Variants in SYT1 observed in about 807,000 individuals in gnomAD.
SYT1 encodes the protein synaptotagmin 1.
Under a neutral mutation model 44.8 loss-of-function variants are expected in SYT1, and 8 were observed. The observed-to-expected ratio is 0.18, with a 90% CI of 0.10 to 0.32. The LOEUF (loss-of-function observed/expected upper bound fraction) is 0.32. Among genes scored for constraint, SYT1 ranks in the 10% least tolerant of loss-of-function variants. The pLI, the probability that SYT1 is intolerant of heterozygous loss-of-function variation, is 1.00. For missense variants in SYT1, 286 were observed against 509.3 expected (o/e 0.56, Z 4.22); for synonymous variants, 154 against 188.8 (o/e 0.82, Z 1.51).
chr12:78,905,027 C>T (rs890343718), intron 1 of SYT1, among the ~76,000 whole-genome samples: 35 of 152,116 alleles, frequency 2.3e-4, no homozygotes, highest in African/African-American at 8.4e-4. Context: ...CCTAAGATAT[C>T]TCATAAAACT....
chr12:79,298,657 C>T (rs755907910), intron 7 of SYT1, among the ~76,000 whole-genome samples: 5 of 152,160 alleles, frequency 3.3e-5, no homozygotes, highest in Non-Finnish European at 5.9e-5. Flanking sequence ...CATCCCAACC[C>T]ATAGCATCTG....
chr12:78,925,240 T>C (rs926763967), intron 1 of SYT1, among the ~76,000 whole-genome samples: 1 of 151,904 alleles, frequency 6.6e-6, no homozygotes, highest in Non-Finnish European at 1.5e-5. Context: ...TTAGTTACCA[T>C]TGGCCACAAT....
chr12:79,111,422 A>G (rs1019130372), intron 3 of SYT1, among the ~76,000 whole-genome samples: 12 of 152,036 alleles, frequency 7.9e-5, no homozygotes, highest in Admixed American at 5.2e-4. Flanking sequence ...CTTCTAGACT[A>G]TCAGAACCTT....
intron 8 of SYT1, among the ~76,000 whole-genome samples, chr12:79,320,606 G>GCAGCACCT (rs771132360): frequency 6.6e-6 from 1 of 150,578 alleles, no homozygotes; most frequent in Non-Finnish European, 1.5e-5. Context: ...TCCTCTATCA[G>GCAGCACCT]CAGCACCTCT....
chr12:79,112,285 C>T (rs1879056477), intron 3 of SYT1, among the ~76,000 whole-genome samples: 1 of 152,010 alleles, frequency 6.6e-6, no homozygotes, highest in South Asian at 2.1e-4. Flanking sequence ...TAAAGGTAGT[C>T]ATTCTGAGAT....
chr12:79,274,408 G>A (rs1422533640), intron 4 of SYT1, among the ~76,000 whole-genome samples: 4 of 152,186 alleles, frequency 2.6e-5, no homozygotes, highest in Non-Finnish European at 5.9e-5. Context: ...GGGCATGAGA[G>A]CTGAGTGGGT....
intron 9 of SYT1, among the ~76,000 whole-genome samples, chr12:79,408,951 T>C (rs1868326140): frequency 6.6e-6 from 1 of 152,090 alleles, no homozygotes; most frequent in African/African-American, 2.4e-5. Context: ...TCCTCATTTC[T>C]TACCTCTGCC....
At chr12:78,919,304 C>T (rs1214403492) in intron 1 of SYT1, among the ~76,000 whole-genome samples, 2 of 151,954 alleles carry the variant, frequency 1.3e-5, no homozygotes, top group Non-Finnish European at 2.9e-5. Flanking sequence ...TAAAGAACTC[C>T]TAGAATCTGC....
chr12:79,234,003 C>T (rs111726487), intron 4 of SYT1, among the ~76,000 whole-genome samples: 6 of 152,248 alleles, frequency 3.9e-5, no homozygotes, highest in African/African-American at 1.4e-4. Context: ...GTACAAGGCA[C>T]CCCACACAAT....
At chr12:79,130,486 G>T (rs1422174490) in intron 3 of SYT1, among the ~76,000 whole-genome samples, 1 of 152,208 alleles carries the variant, frequency 6.6e-6, no homozygotes, top group Non-Finnish European at 1.5e-5. Flanking sequence ...CACAGGAATT[G>T]TCTGCCTTGA....
intron 1 of SYT1, among the ~76,000 whole-genome samples, chr12:78,930,263 T>C (rs11111922): frequency 0.095 from 14,399 of 152,084 alleles, 1,029 homozygotes; most frequent in East Asian, 0.31. Context: ...AAACATCACA[T>C]TGTACCCTAT....
intron 2 of SYT1, chr12:79,045,511 T>G (rs962428035): frequency 3.4e-4 from 53 of 156,982 alleles, no homozygotes; most frequent in Admixed American, 2.2e-3. Context: ...ACTGACCTGC[T>G]CCCACTGTCT....
intron 4 of SYT1, among the ~76,000 whole-genome samples, chr12:79,248,314 G>C (rs1876973704): frequency 6.6e-6 from 1 of 152,118 alleles, no homozygotes; most frequent in African/African-American, 2.4e-5. Flanking sequence ...AAATATATTA[G>C]AAAAAAACTA....
intron 8 of SYT1, among the ~76,000 whole-genome samples, chr12:79,336,814 C>A (rs61928828): frequency 2.0e-5 from 3 of 152,108 alleles, no homozygotes; most frequent in African/African-American, 7.2e-5. Flanking sequence ...TTTTTTATTT[C>A]ATGTTATGTA....
At chr12:79,130,790 T>A (rs2138175963) in intron 3 of SYT1, among the ~76,000 whole-genome samples, 1 of 152,160 alleles carries the variant, frequency 6.6e-6, no homozygotes, top group Non-Finnish European at 1.5e-5. Context: ...GAACCAGGAG[T>A]CTCATGTCTT....
chr12:79,351,385 G>A (rs917110649), intron 8 of SYT1, among the ~76,000 whole-genome samples: 5 of 151,944 alleles, frequency 3.3e-5, no homozygotes, highest in African/African-American at 9.7e-5. Flanking sequence ...TAAATTAATC[G>A]TGGAATTAGA....
Position 79,400,707 on chromosome 12 carries a change from A to C in SYT1, c.929-43366A>C, listed in dbSNP as rs540076419. Among the ~76,000 whole-genome samples, 6 of 152,330 alleles carry C rather than the reference A, an allele frequency of 3.9e-5. No individual in the cohort carries two copies. The East Asian group carries it at 1.2e-3, about 29-fold the overall frequency. On this transcript the variant is annotated intron_variant, in intron 9 of 10. Transcript: ENST00000261205. ...TGAGACCACGCCATGTCTGATAGTA[A>C]GTTTTAGACTGAGGGCACATTGCTG...
chr12:79,207,454 T>C (rs1874190205), intron 3 of SYT1, among the ~76,000 whole-genome samples: 2 of 152,184 alleles, frequency 1.3e-5, no homozygotes, highest in South Asian at 4.1e-4. Context: ...GGTGGTTTGC[T>C]GCGTCCATCA....
intron 9 of SYT1, among the ~76,000 whole-genome samples, chr12:79,391,069 C>A (rs570790093): frequency 6.6e-6 from 1 of 152,304 alleles, no homozygotes; most frequent in Admixed American, 6.5e-5. Context: ...TGCTTAACAA[C>A]TCCAAACCTC....
Sources: allele counts gnomAD v4.1 joint callset (sites outside exome capture counted in the v4.1 genomes callset), GRCh38; gene constraint gnomAD v4.1.1; transcripts MANE v1.5; gene names NCBI Gene and HGNC (gene_info 2026-07-23, HGNC 2026-07-21).